The following MYO16 variants were observed in gnomAD, a reference collection of about 807,000 sequenced individuals.
MYO16 encodes the protein unconventional myosin-XVI.
A neutral mutation model predicts 205.3 loss-of-function variants in MYO16; 94 were observed. The observed-to-expected ratio is 0.46, with a 90% CI of 0.39 to 0.54. MYO16 has a LOEUF of 0.54. Ranked by LOEUF, MYO16 falls within the 20% of genes least tolerant of loss-of-function variation. The pLI, the probability that MYO16 is intolerant of heterozygous loss-of-function variation, is 0.00. For synonymous variants in MYO16, 988 were observed against 954.0 expected (o/e 1.04, Z -0.66); for missense variants, 2,315 against 2,387.5 (o/e 0.97, Z 0.63).
intron 23 of MYO16, among the ~76,000 whole-genome samples, chr13:109,040,389 G>C (rs34501711): frequency 0.087 from 7,808 of 89,796 alleles, 219 homozygotes; most frequent in Non-Finnish European, 0.1. Flanking sequence ...CACACACAGA[G>C]AGAGAGAGAG....
At chr13:109,154,999 C>A (rs1031668316) in intron 32 of MYO16, among the ~76,000 whole-genome samples, 1 of 142,290 alleles carries the variant, frequency 7.0e-6, no homozygotes, top group Non-Finnish European at 1.5e-5. Context: ...ATGGCAGGGA[C>A]AGAATAAATG....
chr13:108,621,722 G>A (rs1446731825), intron 1 of MYO16, among the ~76,000 whole-genome samples: 3 of 152,054 alleles, frequency 2.0e-5, no homozygotes, highest in Non-Finnish European at 4.4e-5. Context: ...CAATGCCTAC[G>A]TCATTCCCCT....
At chr13:109,004,795 A>G (rs1449325211) in intron 21 of MYO16, among the ~76,000 whole-genome samples, 1 of 152,176 alleles carries the variant, frequency 6.6e-6, no homozygotes, top group Non-Finnish European at 1.5e-5. Flanking sequence ...ATATTTAGAT[A>G]CTGAATGCCA....
At chr13:109,077,102 C>A (rs1334805831) in intron 27 of MYO16, among the ~76,000 whole-genome samples, 3 of 151,826 alleles carry the variant, frequency 2.0e-5, no homozygotes, top group African/African-American at 7.3e-5. Context: ...TCACTGCAGC[C>A]TCCATCTCCT....
intron 14 of MYO16, among the ~76,000 whole-genome samples, chr13:108,895,007 G>T (rs943744411): frequency 6.6e-6 from 1 of 152,156 alleles, no homozygotes; most frequent in Admixed American, 6.5e-5. Flanking sequence ...CAATTCCATT[G>T]AAATCACTTA....
chr13:108,962,202 G>A (rs1883615350), intron 18 of MYO16, among the ~76,000 whole-genome samples: 2 of 152,148 alleles, frequency 1.3e-5, no homozygotes, highest in South Asian at 2.1e-4. Context: ...AAAAACATCC[G>A]CTGTGATTTA....
At chr13:108,969,905 T>C (rs1219246719) in intron 20 of MYO16, among the ~76,000 whole-genome samples, 1 of 152,230 alleles carries the variant, frequency 6.6e-6, no homozygotes, top group Non-Finnish European at 1.5e-5. Context: ...AGAATTTTCT[T>C]AACACTTCTC....
At chr13:109,156,137 C>T (rs1265767584) in intron 32 of MYO16, among the ~76,000 whole-genome samples, 1 of 152,086 alleles carries the variant, frequency 6.6e-6, no homozygotes, top group Non-Finnish European at 1.5e-5. Flanking sequence ...AAGGAGTTGC[C>T]CTGTGTAACA....
At chr13:108,986,878 A>G (rs1884657665) in intron 20 of MYO16, among the ~76,000 whole-genome samples, 1 of 152,138 alleles carries the variant, frequency 6.6e-6, no homozygotes, top group African/African-American at 2.4e-5. Flanking sequence ...GAACTTACAG[A>G]CACAGGCCCT....
chr13:108,683,787 G>A (rs1882560834), intron 2 of MYO16, among the ~76,000 whole-genome samples: 1 of 152,224 alleles, frequency 6.6e-6, no homozygotes, highest in African/African-American at 2.4e-5. Context: ...GGGCCCTGGT[G>A]TGTGTCCCCT....
intron 27 of MYO16, among the ~76,000 whole-genome samples, chr13:109,062,847 GTTGT>G (rs1242844204): frequency 1.1e-4 from 16 of 151,996 alleles, no homozygotes; most frequent in Admixed American, 1.0e-3. Context: ...GAAATTTTTG[GTTGT>G]TTGTTTGGTT....
At chr13:109,145,642 G>A (rs1877295564) in intron 32 of MYO16, among the ~76,000 whole-genome samples, 1 of 152,146 alleles carries the variant, frequency 6.6e-6, no homozygotes, top group African/African-American at 2.4e-5. Flanking sequence ...TGATGATGTG[G>A]CTAATATTAT....
chr13:108,642,315 G>A (rs4551885), intron 1 of MYO16, among the ~76,000 whole-genome samples: 10,354 of 152,194 alleles, frequency 0.068, 550 homozygotes, highest in African/African-American at 0.14. Context: ...CCAGTCTGCA[G>A]TCTAGTAACA....
At chr13:108,676,895 C>A (rs1882237268) in intron 2 of MYO16, among the ~76,000 whole-genome samples, 1 of 152,194 alleles carries the variant, frequency 6.6e-6, no homozygotes, top group African/African-American at 2.4e-5. Flanking sequence ...TACCTCTCCT[C>A]TCCCCTGCGG....
At chr13:108,680,399 A>T (rs1248726744) in intron 2 of MYO16, among the ~76,000 whole-genome samples, 2 of 152,174 alleles carry the variant, frequency 1.3e-5, no homozygotes, top group Non-Finnish European at 2.9e-5. Context: ...TTTTCCATTC[A>T]TCTTATTGAA....
the MYO16 span, among the ~76,000 whole-genome samples, chr13:108,542,453 TACCCCTGA>T: frequency 1.3e-5 from 2 of 152,212 alleles, no homozygotes; most frequent in South Asian, 2.1e-4. Flanking sequence ...CCTGCATCTG[TACCCCTGA>T]ACCTAAAATA....
chr13:108,592,687 G>C (rs1878435718), upstream of MYO16, among the ~76,000 whole-genome samples: 1 of 147,912 alleles, frequency 6.8e-6, no homozygotes, highest in Non-Finnish European at 1.5e-5. Context: ...GTGGGAGGCT[G>C]TGTGGGGTTT....
At chr13:108,507,850 A>G in the MYO16 span, among the ~76,000 whole-genome samples, 2 of 152,034 alleles carry the variant, frequency 1.3e-5, no homozygotes, top group Non-Finnish European at 2.9e-5. Flanking sequence ...ATTATTATCT[A>G]CCTTCTGATT....
At chr13:108,842,295 G>A (rs1877284545) in intron 9 of MYO16, among the ~76,000 whole-genome samples, 1 of 152,040 alleles carries the variant, frequency 6.6e-6, no homozygotes, top group Non-Finnish European at 1.5e-5. Context: ...TGTTGAATGG[G>A]AGAAAATAAT....
Sources: gnomAD v4.1 joint callset for allele counts (sites outside exome capture counted in the v4.1 genomes callset) on GRCh38, gnomAD v4.1.1 for gene constraint, MANE v1.5 for transcripts, NCBI Gene and HGNC (gene_info 2026-07-23, HGNC 2026-07-21) for gene names.